Variants in PEX7 observed in about 807,000 individuals in gnomAD.
PEX7 encodes the protein PTS2 receptor.
PEX7 carries 34 observed loss-of-function variants against 47.5 expected under a neutral mutation model. The observed-to-expected ratio is 0.72, with a 90% CI of 0.54 to 0.95. The LOEUF is 0.95. PEX7 is among the 40% of genes least tolerant of loss of function. The probability of loss-of-function intolerance (pLI) is 0.00; values close to 1 mark genes in which losing one functional copy is unlikely to be tolerated. For missense variants in PEX7, 394 were observed against 400.3 expected, an observed-to-expected ratio of 0.98 and a Z score of 0.13; for synonymous variants, 141 against 148.8, an observed-to-expected ratio of 0.95 and a Z score of 0.38.
At chr6:136,899,080 CTTT>C (rs71547049) in intron 9 of PEX7, among the ~76,000 whole-genome samples, 1 of 111,976 alleles carries the variant, frequency 8.9e-6, no homozygotes, top group Non-Finnish European at 1.8e-5. Context: ...TTTTTCTTTT[CTTT>C]TTTTTTTTTT....
intron 9 of PEX7, among the ~76,000 whole-genome samples, chr6:136,903,847 T>A (rs1258673603): frequency 6.6e-6 from 1 of 151,188 alleles, no homozygotes; most frequent in South Asian, 2.1e-4. Flanking sequence ...TTTTTTTTAA[T>A]TTTTTGTAGA....
intron 8 of PEX7, among the ~76,000 whole-genome samples, chr6:136,878,721 G>T (rs1463001062): frequency 6.6e-6 from 1 of 152,028 alleles, no homozygotes; most frequent in Non-Finnish European, 1.5e-5. Context: ...TGAACAAATA[G>T]TCTTTTTATT....
At chr6:136,882,129 G>A (rs1215839125) in intron 8 of PEX7, among the ~76,000 whole-genome samples, 1 of 148,736 alleles carries the variant, frequency 6.7e-6, no homozygotes, top group African/African-American at 2.5e-5. Flanking sequence ...AGACGTTCTT[G>A]AAAATACTAT....
chr6:136,825,151 C>T, intron 1 of PEX7, 63 bp from the exon 2 acceptor site: 2 of 1,359,868 alleles, frequency 1.5e-6, no homozygotes, highest in Non-Finnish European at 2.1e-6. Flanking sequence ...CTTGATAACT[C>T]CTTGACTTTC....
At chr6:136,831,799 A>G (rs886868812) in intron 3 of PEX7, among the ~76,000 whole-genome samples, 2 of 152,256 alleles carry the variant, frequency 1.3e-5, no homozygotes, top group African/African-American at 2.4e-5. Flanking sequence ...CTTTGACTCC[A>G]TATCTCACAT....
chr6:136,909,287 C>G (rs1262468567), intron 9 of PEX7, among the ~76,000 whole-genome samples: 1 of 152,172 alleles, frequency 6.6e-6, no homozygotes. Context: ...CCCTGTGAAA[C>G]TTCTCTAAAT....
intron 9 of PEX7, among the ~76,000 whole-genome samples, chr6:136,908,275 T>A (rs1775875992): frequency 6.6e-6 from 1 of 152,214 alleles, no homozygotes; most frequent in South Asian, 2.1e-4. Context: ...CCTATTTTGC[T>A]GTATTAAAGT....
chr6:136,822,823 G>GGGGGGC (rs1436460203), intron 1 of PEX7, 28 bp downstream of exon 1: 7 of 1,220,150 alleles, frequency 5.7e-6, no homozygotes, highest in Non-Finnish European at 7.1e-6. Flanking sequence ...AGCTGGGGCC[G>GGGGGGC]GGGGGCGGAG....
intron 9 of PEX7, among the ~76,000 whole-genome samples, chr6:136,909,375 C>G (rs940524253): frequency 6.6e-6 from 1 of 152,198 alleles, no homozygotes; most frequent in African/African-American, 2.4e-5. Flanking sequence ...ACCCACATCT[C>G]TGACCTCACA....
At chr6:136,834,881 AT>A (rs1402624715) in intron 3 of PEX7, among the ~76,000 whole-genome samples, 1 of 152,120 alleles carries the variant, frequency 6.6e-6, no homozygotes, top group Non-Finnish European at 1.5e-5. Context: ...GGCATTTGGA[AT>A]TTTAATACTT....
At chr6:136,845,110 A>T (rs976767641) in intron 3 of PEX7, among the ~76,000 whole-genome samples, 1 of 152,262 alleles carries the variant, frequency 6.6e-6, no homozygotes, top group Non-Finnish European at 1.5e-5. Context: ...AGTGAAGCAT[A>T]TACTTTAGAA....
chr6:136,899,759 A>G (rs1356050989), intron 9 of PEX7, among the ~76,000 whole-genome samples: 1 of 152,256 alleles, frequency 6.6e-6, no homozygotes, highest in African/African-American at 2.4e-5. Flanking sequence ...CATTAACATT[A>G]GAAATAATCA....
intron 5 of PEX7, among the ~76,000 whole-genome samples, chr6:136,847,726 C>A (rs903534227): frequency 6.6e-6 from 1 of 152,138 alleles, no homozygotes; most frequent in Non-Finnish European, 1.5e-5. Flanking sequence ...GTACCAGTAC[C>A]ATGCTGTTTT....
At chr6:136,835,508 C>T (rs936900358) in intron 3 of PEX7, among the ~76,000 whole-genome samples, 87 of 152,014 alleles carry the variant, frequency 5.7e-4, no homozygotes, top group Middle Eastern at 3.4e-3. Context: ...AGGCTGGTCT[C>T]GAACTCCTGA....
At chr6:136,863,052 A>C (rs878892910) in intron 5 of PEX7, among the ~76,000 whole-genome samples, 1 of 152,228 alleles carries the variant, frequency 6.6e-6, no homozygotes, top group Admixed American at 6.5e-5. Context: ...GCTAGACCAC[A>C]GACAGTGATT....
chr6:136,832,317 G>A (rs984082046), intron 3 of PEX7, among the ~76,000 whole-genome samples: 1 of 152,246 alleles, frequency 6.6e-6, no homozygotes, highest in African/African-American at 2.4e-5. Context: ...TGGATGCAGG[G>A]CACCATGTCT....
At chr6:136,829,305 GC>G (rs201141184) in intron 3 of PEX7, among the ~76,000 whole-genome samples, 2,787 of 152,250 alleles carry the variant, frequency 0.018, 30 homozygotes, top group Non-Finnish European at 0.029. Flanking sequence ...AGGTCAGGGT[GC>G]CCACATGTTT....
chr6:136,844,382 A>G (rs981265556), intron 3 of PEX7, among the ~76,000 whole-genome samples: 1 of 152,148 alleles, frequency 6.6e-6, no homozygotes, highest in Non-Finnish European at 1.5e-5. Flanking sequence ...GAAAAAAAAA[A>G]AGAAAAATCT....
At chr6:136,876,846 A>G (rs1003467319) in intron 8 of PEX7, among the ~76,000 whole-genome samples, 16 of 152,248 alleles carry the variant, frequency 1.1e-4, no homozygotes, top group South Asian at 2.1e-4. Context: ...TCCTTTGGGT[A>G]TATACCCAGT....
Sources: gnomAD v4.1 joint callset for allele counts (sites outside exome capture counted in the v4.1 genomes callset) on GRCh38, gnomAD v4.1.1 for gene constraint, MANE v1.5 for transcripts, NCBI Gene and HGNC (gene_info 2026-07-23, HGNC 2026-07-21) for gene names.